Variants in SLC44A5 observed in about 807,000 individuals in gnomAD.
The protein encoded by SLC44A5 is choline transporter-like protein 5.
SLC44A5 carries 57 observed loss-of-function variants against 101.8 expected under a neutral mutation model. The observed-to-expected ratio is 0.56, with a 90% CI of 0.45 to 0.70. The LOEUF (loss-of-function observed/expected upper bound fraction) is 0.70. Among genes scored for constraint, SLC44A5 ranks in the 30% least tolerant of loss-of-function variants. SLC44A5 has a pLI of 0.00. For missense variants in SLC44A5, 737 were observed against 853.1 expected (o/e 0.86, Z 1.70); for synonymous variants, 281 against 290.9 (o/e 0.97, Z 0.35).
the SLC44A5 span, among the ~76,000 whole-genome samples, chr1:75,617,659 C>A: frequency 1.3e-5 from 2 of 152,208 alleles, no homozygotes; most frequent in African/African-American, 2.4e-5. Flanking sequence ...AAATAAAAAA[C>A]AAAGAACATG....
At chr1:75,317,237 T>G (rs1437790138) in intron 4 of SLC44A5, among the ~76,000 whole-genome samples, 1 of 152,148 alleles carries the variant, frequency 6.6e-6, no homozygotes, top group Non-Finnish European at 1.5e-5. Flanking sequence ...TCACAGCAGG[T>G]CAGTGAAAGA....
At chr1:75,223,359 A>C (rs957902962) in intron 13 of SLC44A5, among the ~76,000 whole-genome samples, 2 of 152,072 alleles carry the variant, frequency 1.3e-5, no homozygotes, top group Non-Finnish European at 2.9e-5. Flanking sequence ...AGTTTTTTTT[A>C]AACTTGAAGC....
intron 1 of SLC44A5, among the ~76,000 whole-genome samples, chr1:75,547,133 G>T (rs148260131): frequency 1.3e-5 from 2 of 152,202 alleles, no homozygotes; most frequent in African/African-American, 4.8e-5. Context: ...TTTAAAAAGG[G>T]ATAAGACCAC....
At chr1:75,380,256 C>T (rs376274443) in intron 3 of SLC44A5, among the ~76,000 whole-genome samples, 19 of 83,756 alleles carry the variant, frequency 2.3e-4, no homozygotes, top group African/African-American at 1.3e-3. Context: ...AAAAAATCCC[C>T]ACAGGGGTAT....
At chr1:75,222,300 G>A in intron 14 of SLC44A5, 61 bp downstream of exon 14, 2 of 1,218,252 alleles carry the variant, frequency 1.6e-6, no homozygotes, top group South Asian at 1.2e-5. Context: ...TTATGCAAGG[G>A]ACAGTGACTG....
At chr1:75,583,170 G>GT (rs1673796560) in intron 1 of SLC44A5, among the ~76,000 whole-genome samples, 1 of 152,136 alleles carries the variant, frequency 6.6e-6, no homozygotes, top group Admixed American at 6.5e-5. Flanking sequence ...CTCTGTTCTG[G>GT]TTTTTTATAC....
intron 14 of SLC44A5, among the ~76,000 whole-genome samples, chr1:75,220,368 G>T (rs911775838): frequency 1.3e-5 from 2 of 151,956 alleles, no homozygotes; most frequent in African/African-American, 4.8e-5. Context: ...TCTTATCAAG[G>T]TATTAGAAAT....
the SLC44A5 span, among the ~76,000 whole-genome samples, chr1:75,635,333 C>T: frequency 0.1 from 15,259 of 151,684 alleles, 982 homozygotes; most frequent in East Asian, 0.25. Flanking sequence ...GACTATAAAT[C>T]ATGATGCTAT....
At chr1:75,556,699 A>C (rs1672234279) in intron 1 of SLC44A5, among the ~76,000 whole-genome samples, 1 of 152,114 alleles carries the variant, frequency 6.6e-6, no homozygotes, top group African/African-American at 2.4e-5. Flanking sequence ...TTCAAAAAGT[A>C]AAAAAGGGGA....
intron 3 of SLC44A5, among the ~76,000 whole-genome samples, chr1:75,375,724 C>T (rs1660537552): frequency 6.6e-6 from 1 of 152,178 alleles, no homozygotes; most frequent in Non-Finnish European, 1.5e-5. Context: ...GAAATACCAA[C>T]CAAGTATTTT....
At chr1:75,217,801 A>C (rs1463848148) in intron 18 of SLC44A5, 65 bp downstream of exon 18, 2 of 998,150 alleles carry the variant, frequency 2.0e-6, no homozygotes, top group Admixed American at 1.7e-5. Flanking sequence ...TATAATCATC[A>C]GGTCTCCCCC....
chr1:75,444,354 AAGGG>A (rs141035503), intron 2 of SLC44A5, among the ~76,000 whole-genome samples: 35,640 of 130,860 alleles, frequency 0.27, 5,292 homozygotes, highest in South Asian at 0.36. Flanking sequence ...GGAAGGAAGG[AAGGG>A]AGGGAGGGAG....
At chr1:75,682,755 G>A in the SLC44A5 span, among the ~76,000 whole-genome samples, 1 of 151,722 alleles carries the variant, frequency 6.6e-6, no homozygotes, top group African/African-American at 2.4e-5. Flanking sequence ...ATTGACAAAT[G>A]GGATCTAATT....
intron 4 of SLC44A5, among the ~76,000 whole-genome samples, chr1:75,320,456 C>CA (rs528965140): frequency 5.3e-5 from 8 of 151,896 alleles, no homozygotes; most frequent in Middle Eastern, 3.4e-3. Context: ...CATTTATTTG[C>CA]AAAAAAACCA....
At chr1:75,481,344 G>A (rs1454745684) in intron 2 of SLC44A5, among the ~76,000 whole-genome samples, 1 of 152,106 alleles carries the variant, frequency 6.6e-6, no homozygotes, top group Non-Finnish European at 1.5e-5. Context: ...ATAGGCATGG[G>A]CAAGGACTTC....
chr1:75,566,994 C>T (rs1347766530), intron 1 of SLC44A5, among the ~76,000 whole-genome samples: 1 of 152,170 alleles, frequency 6.6e-6, no homozygotes, highest in Non-Finnish European at 1.5e-5. Context: ...TTATCTGTTA[C>T]ATTATGTTAC....
chr1:75,446,367 T>C (rs2101645254), intron 2 of SLC44A5, among the ~76,000 whole-genome samples: 1 of 152,256 alleles, frequency 6.6e-6, no homozygotes, highest in African/African-American at 2.4e-5. Flanking sequence ...AAGCTCATCC[T>C]ACTTCAGGGT....
intron 3 of SLC44A5, among the ~76,000 whole-genome samples, chr1:75,361,893 T>C (rs1000431348): frequency 5.9e-5 from 9 of 152,046 alleles, no homozygotes; most frequent in Admixed American, 3.9e-4. Context: ...TTCACTTCAA[T>C]TTTTTGAAAC....
At chr1:75,664,088 A>G in the SLC44A5 span, among the ~76,000 whole-genome samples, 1 of 149,874 alleles carries the variant, frequency 6.7e-6, no homozygotes, top group African/African-American at 2.4e-5. Context: ...ACAGAAAAAG[A>G]TTTTGATAAA....
Sources: allele counts gnomAD v4.1 joint callset (sites outside exome capture counted in the v4.1 genomes callset), GRCh38; gene constraint gnomAD v4.1.1; transcripts MANE v1.5; gene names NCBI Gene and HGNC (gene_info 2026-07-23, HGNC 2026-07-21).